LARP4B: variants seen among roughly 807,000 people sequenced by gnomAD.
LARP4B encodes the protein La ribonucleoprotein 4B.
In LARP4B, 12 loss-of-function variants were observed where a neutral mutation model predicts 89.8. That is an observed-to-expected ratio of 0.13 (90% CI 0.09 to 0.22). LARP4B has a LOEUF of 0.22. Among genes scored for constraint, LARP4B ranks in the 10% least tolerant of loss-of-function variants. The pLI is 1.00. For synonymous variants in LARP4B, 367 were observed against 363.3 expected (o/e 1.01, Z -0.12); for missense variants, 757 against 947.7 (o/e 0.80, Z 2.64).
intron 1 of LARP4B, 99 bp from the exon 2 acceptor site, chr10:885,859 T>C: frequency 1.7e-6 from 1 of 574,864 alleles, no homozygotes; most frequent in Non-Finnish European, 3.0e-6. Flanking sequence ...CACACGTTTA[T>C]CCCTCTGAAT....
intron 1 of LARP4B, among the ~76,000 whole-genome samples, chr10:921,775 T>C (rs942986157): frequency 6.6e-6 from 1 of 152,224 alleles, no homozygotes; most frequent in Admixed American, 6.5e-5. Context: ...TTAACTCTCC[T>C]GTACTGAGCC....
At chr10:953,603 C>A in the LARP4B span, among the ~76,000 whole-genome samples, 1 of 150,824 alleles carries the variant, frequency 6.6e-6, no homozygotes, top group African/African-American at 2.5e-5. Flanking sequence ...TAACAGGCAA[C>A]CTTTAAAAGG....
chr10:817,056 T>A (rs1207750821), intron 15 of LARP4B, among the ~76,000 whole-genome samples: 3 of 152,210 alleles, frequency 2.0e-5, no homozygotes, highest in African/African-American at 7.2e-5. Flanking sequence ...AGGTTCTTCC[T>A]GGGCTCTTCC....
rs187369855 is a variant in LARP4B, at chr10:925,543, A to T, written c.-40+5885T>A. 4.9e-3 allele frequency among the ~76,000 whole-genome samples: 741 copies of T among 151,828 alleles called. 5 individuals carry two copies. The highest frequency in any genetic ancestry group is 0.016 in the African/African-American group (669 of 41,364). On this transcript the variant is annotated intron_variant, in intron 1 of 17. Transcript: ENST00000316157. ...GGGGGCATTTATTTTATTTTATTTC[A>T]TTTTTTTTCAGACAGAGCCTCACTC...
intron 1 of LARP4B, among the ~76,000 whole-genome samples, chr10:895,809 A>C (rs1346511920): frequency 6.6e-6 from 1 of 152,244 alleles, no homozygotes; most frequent in Non-Finnish European, 1.5e-5. Context: ...ATTTATAAAA[A>C]TTCAAATTTT....
intron 2 of LARP4B, 25 bp from the exon 3 acceptor site, chr10:884,531 C>T (rs1394762704): frequency 2.7e-6 from 4 of 1,476,298 alleles, no homozygotes; most frequent in Non-Finnish European, 2.8e-6. Context: ...ACAAAGACAA[C>T]ATCAGTACAA....
chr10:823,562 G>C (rs148336463), intron 13 of LARP4B, among the ~76,000 whole-genome samples: 2 of 151,524 alleles, frequency 1.3e-5, no homozygotes, highest in Non-Finnish European at 2.9e-5. Context: ...GTATGAACAA[G>C]GCACACTGAA....
At chr10:892,949 C>T (rs1477797283) in intron 1 of LARP4B, among the ~76,000 whole-genome samples, 3 of 133,644 alleles carry the variant, frequency 2.2e-5, no homozygotes, top group African/African-American at 5.7e-5. Context: ...CTTGCTCTGT[C>T]ACCCAGGCTG....
downstream of LARP4B, chr10:807,399 TC>T (rs1831595841): frequency 6.6e-6 from 1 of 152,286 alleles, no homozygotes; most frequent in African/African-American, 2.4e-5. Flanking sequence ...GAAATCCTGG[TC>T]GTGAATGAAA....
At chr10:917,239 T>A (rs1178862891) in intron 1 of LARP4B, among the ~76,000 whole-genome samples, 1 of 152,208 alleles carries the variant, frequency 6.6e-6, no homozygotes, top group Non-Finnish European at 1.5e-5. Context: ...TCGAGGAAGC[T>A]TTTTTCTTTC....
chr10:907,568 A>G (rs1836526595), intron 1 of LARP4B, among the ~76,000 whole-genome samples: 1 of 152,264 alleles, frequency 6.6e-6, no homozygotes, highest in Admixed American at 6.5e-5. Context: ...AAATCACTAA[A>G]GAAGTTCCGA....
intron 3 of LARP4B, among the ~76,000 whole-genome samples, chr10:883,667 C>T (rs1057321612): frequency 4.6e-5 from 7 of 151,080 alleles, no homozygotes; most frequent in Admixed American, 1.3e-4. Context: ...GGCATGGTGG[C>T]TCACGCCTGT....
Position 864,056 on chromosome 10 carries a change from T to C in LARP4B, c.289+67A>G, listed in dbSNP as rs181316388. On this transcript the variant is annotated intron_variant, in intron 4 of 17. Transcript: ENST00000316157. Reference sequence around the variant, plus strand: ...GAATGAACAACATCTTAAAGACAGATTAAAATGGCAACAAAAGCACAGGCC... The same window carrying C: ...GAATGAACAACATCTTAAAGACAGACTAAAATGGCAACAAAAGCACAGGCC... 1.9e-3 allele frequency: 3,040 copies of C among 1,600,374 alleles called. 13 individuals carry two copies. Among genetic ancestry groups the C allele is most frequent in the Non-Finnish European group, 1.3e-3 (1,517 of 1,172,248 alleles).
At chr10:936,718 C>T (rs57857452), upstream of LARP4B, among the ~76,000 whole-genome samples, 429 of 152,174 alleles carry the variant, frequency 2.8e-3, 5 homozygotes, top group African/African-American at 1.0e-2. Context: ...GTGAAACTGT[C>T]CGCCCCCCAA....
the LARP4B span, chr10:942,540 C>G: frequency 6.6e-6 from 1 of 152,198 alleles, no homozygotes; most frequent in Non-Finnish European, 1.5e-5. Context: ...TCCAATGGAA[C>G]AGCCTCTGCA....
chr10:947,597 A>G, the LARP4B span, among the ~76,000 whole-genome samples: 1 of 152,114 alleles, frequency 6.6e-6, no homozygotes, highest in East Asian at 1.9e-4. Context: ...CTCCCAAATC[A>G]TGACCTTAAT....
At chr10:813,241 G>A in intron 17 of LARP4B, 28 bp from the exon 18 acceptor site, 3 of 1,569,296 alleles carry the variant, frequency 1.9e-6, no homozygotes, top group Non-Finnish European at 2.6e-6. Context: ...TGGGTTACCT[G>A]TGTGAAATGG....
At chr10:977,620 C>T in the LARP4B span, among the ~76,000 whole-genome samples, 9 of 151,786 alleles carry the variant, frequency 5.9e-5, no homozygotes, top group African/African-American at 2.2e-4. Context: ...TAGGCGTGAG[C>T]CAACGTGCTG....
chr10:932,694 C>T (rs1830683703), upstream of LARP4B, among the ~76,000 whole-genome samples: 1 of 144,460 alleles, frequency 6.9e-6, no homozygotes, highest in Admixed American at 6.8e-5. Context: ...CCCGAACGCC[C>T]CACCAGGGAC....
Sources: gnomAD v4.1 joint callset for allele counts (sites outside exome capture counted in the v4.1 genomes callset) on GRCh38, gnomAD v4.1.1 for gene constraint, MANE v1.5 for transcripts, NCBI Gene and HGNC (gene_info 2026-07-23, HGNC 2026-07-21) for gene names.